DOCK9: variants seen among roughly 807,000 people sequenced by gnomAD.
DOCK9 encodes the protein dedicator of cytokinesis protein 9.
DOCK9 carries 89 observed loss-of-function variants against 263.3 expected under a neutral mutation model. The ratio of observed to expected loss-of-function variants is 0.34; its 90% CI spans 0.28 to 0.40. DOCK9 has a LOEUF of 0.40. DOCK9 is among the 10% of genes least tolerant of loss of function. DOCK9 has a pLI of 1.00. For synonymous variants in DOCK9, 976 were observed against 973.1 expected, an observed-to-expected ratio of 1.00 and a Z score of -0.06; for missense variants, 2,140 against 2,603.4, an observed-to-expected ratio of 0.82 and a Z score of 3.87.
intron 7 of DOCK9, among the ~76,000 whole-genome samples, chr13:98,918,376 G>A (rs1184067875): frequency 4.6e-5 from 7 of 151,538 alleles, no homozygotes; most frequent in South Asian, 4.2e-4. Context: ...AGAAAGAGCC[G>A]AGCTCCAGAA....
intron 39 of DOCK9, among the ~76,000 whole-genome samples, chr13:98,835,296 T>C (rs2092949245): frequency 6.6e-6 from 1 of 152,248 alleles, no homozygotes. Flanking sequence ...TCTTCTGATA[T>C]GGTCCAACTG....
At chr13:99,084,387 C>T (rs1179997553) in intron 1 of DOCK9, among the ~76,000 whole-genome samples, 1 of 152,198 alleles carries the variant, frequency 6.6e-6, no homozygotes, top group Non-Finnish European at 1.5e-5. Flanking sequence ...GTATCTGTTC[C>T]ATCACAGGTT....
chr13:98,976,187 G>A (rs192471838), intron 1 of DOCK9, among the ~76,000 whole-genome samples: 8 of 152,282 alleles, frequency 5.3e-5, no homozygotes, highest in African/African-American at 1.9e-4. Flanking sequence ...GCAGAGCTGA[G>A]ATCACACTGC....
chr13:99,074,253 T>C (rs919262234), intron 1 of DOCK9, among the ~76,000 whole-genome samples: 1 of 152,260 alleles, frequency 6.6e-6, no homozygotes, highest in African/African-American at 2.4e-5. Context: ...CTACAAAACA[T>C]ATCAAGTAAT....
chr13:98,878,317 A>G (rs1239504770), intron 27 of DOCK9, among the ~76,000 whole-genome samples: 1 of 152,232 alleles, frequency 6.6e-6, no homozygotes, highest in East Asian at 1.9e-4. Context: ...TGTATATAAC[A>G]TGAAAAAATG....
chr13:98,891,539 C>T (rs2139074208), intron 15 of DOCK9, among the ~76,000 whole-genome samples: 2 of 152,234 alleles, frequency 1.3e-5, no homozygotes, highest in Non-Finnish European at 2.9e-5. Context: ...AAGATCACTC[C>T]AACATCCTCC....
chr13:98,836,338 C>T (rs1395057751), intron 39 of DOCK9, among the ~76,000 whole-genome samples: 2 of 152,192 alleles, frequency 1.3e-5, no homozygotes, highest in East Asian at 3.8e-4. Flanking sequence ...TTAAAACCTT[C>T]CTTGCCTATT....
chr13:98,798,707 G>T (rs1465145010), intron 50 of DOCK9, among the ~76,000 whole-genome samples: 4 of 152,344 alleles, frequency 2.6e-5, no homozygotes, highest in Middle Eastern at 3.4e-3. Flanking sequence ...GCTGCTTGAT[G>T]AAACAATTAC....
chr13:98,948,501 G>C (rs180693122), intron 2 of DOCK9, among the ~76,000 whole-genome samples: 1 of 152,230 alleles, frequency 6.6e-6, no homozygotes, highest in South Asian at 2.1e-4. Context: ...ATATAGCACA[G>C]AAATCCTATA....
At chr13:98,926,096 G>C (rs564930886) in intron 3 of DOCK9, among the ~76,000 whole-genome samples, 177 bp from the exon 4 acceptor site, 1 of 152,304 alleles carries the variant, frequency 6.6e-6, no homozygotes, top group African/African-American at 2.4e-5. Context: ...TTGAGACTTT[G>C]AACCACTGAA....
intron 22 of DOCK9, among the ~76,000 whole-genome samples, chr13:98,883,368 C>A (rs2045161437): frequency 6.6e-6 from 1 of 152,124 alleles, no homozygotes; most frequent in Non-Finnish European, 1.5e-5. Flanking sequence ...CTACCCTAGC[C>A]TCCTAGGTAG....
At chr13:98,806,584 A>C (rs1021485169) in intron 48 of DOCK9, among the ~76,000 whole-genome samples, 25 of 152,212 alleles carry the variant, frequency 1.6e-4, no homozygotes, top group African/African-American at 6.0e-4. Flanking sequence ...AGTGCCTGAA[A>C]CTTTAGAAGA....
At chr13:98,858,984 T>A (rs555445047) in intron 33 of DOCK9, 1 of 152,360 alleles carries the variant, frequency 6.6e-6, no homozygotes, top group South Asian at 2.1e-4. Flanking sequence ...ACACTTTGTA[T>A]CAGCTCTTAA....
At position 98,867,479 on chromosome 13, in the gene DOCK9, T is replaced by A; in HGVS notation, c.3232A>T (p.Ile1078Phe). Residue 1078 changes from isoleucine (I) to phenylalanine (F), a missense_variant, in exon 30 of 53, where the codon ATT (isoleucine) becomes TTT (phenylalanine). Ile to Phe is a conservative substitution (Grantham distance 21). Transcript: ENST00000682017. Reference sequence around the variant, plus strand: ...AATGGCATTGGTAAGTTCAACGGAATATAATGTTCATGGTTGCACACTACA... The same window carrying A: ...AATGGCATTGGTAAGTTCAACGGAAAATAATGTTCATGGTTGCACACTACA... ...LRVVCNHEHY[I>F]PLNLPMPFGK... is the part of the protein sequence containing the mutation. The A allele has an allele frequency of 5.6e-6, 9 of 1,613,074 alleles. No individual in the cohort carries two copies. The highest frequency in any genetic ancestry group is 7.6e-6 in the Non-Finnish European group (9 of 1,179,502).
At chr13:98,807,429 G>A (rs56403857) in intron 48 of DOCK9, among the ~76,000 whole-genome samples, 5,103 of 152,182 alleles carry the variant, frequency 0.034, 124 homozygotes, top group Middle Eastern at 0.088. Flanking sequence ...CCTGTCAGAC[G>A]TTAATTATTT....
chr13:98,985,487 G>A (rs2141645971), intron 1 of DOCK9, among the ~76,000 whole-genome samples: 1 of 152,306 alleles, frequency 6.6e-6, no homozygotes, highest in South Asian at 2.1e-4. Flanking sequence ...AACACTACAG[G>A]TGCTGAGAAA....
upstream of DOCK9, among the ~76,000 whole-genome samples, chr13:98,982,766 A>G (rs1877506019): frequency 6.6e-6 from 1 of 152,214 alleles, no homozygotes; most frequent in Admixed American, 6.5e-5. Flanking sequence ...TAAAAACCCA[A>G]CAATAGTTTA....
intron 1 of DOCK9, among the ~76,000 whole-genome samples, chr13:99,081,813 C>A (rs1465413548): frequency 6.6e-6 from 1 of 152,208 alleles, no homozygotes; most frequent in Non-Finnish European, 1.5e-5. Context: ...AACATGCTAC[C>A]TTCCTGACTA....
intron 1 of DOCK9, among the ~76,000 whole-genome samples, chr13:99,050,452 T>C (rs923662715): frequency 5.3e-5 from 8 of 152,130 alleles, no homozygotes; most frequent in Non-Finnish European, 2.9e-5. Context: ...CCCAGCACTT[T>C]GGGAGGCTGA....
Sources: allele counts gnomAD v4.1 joint callset (sites outside exome capture counted in the v4.1 genomes callset), GRCh38; gene constraint gnomAD v4.1.1; transcripts MANE v1.5; gene names NCBI Gene and HGNC (gene_info 2026-07-23, HGNC 2026-07-21).